MICU1: variants seen among roughly 807,000 people sequenced by gnomAD.
MICU1 encodes calcium uptake protein 1, mitochondrial.
MICU1 carries 45 observed loss-of-function variants against 56.8 expected under a neutral mutation model. The ratio of observed to expected loss-of-function variants is 0.79; its 90% CI spans 0.62 to 1.02. The LOEUF is 1.02. Ranked by LOEUF, MICU1 falls within the 50% of genes least tolerant of loss-of-function variation. The pLI is 0.00. For missense variants in MICU1, 504 were observed against 587.1 expected, an observed-to-expected ratio of 0.86 and a Z score of 1.46; for synonymous variants, 186 against 195.1, an observed-to-expected ratio of 0.95 and a Z score of 0.39.
chr10:72,565,326 C>T (rs1055340884), intron 2 of MICU1, among the ~76,000 whole-genome samples: 2 of 151,948 alleles, frequency 1.3e-5, no homozygotes, highest in Non-Finnish European at 2.9e-5. Flanking sequence ...ATGATGAGTT[C>T]GTGTCTTTTG....
intron 1 of MICU1, among the ~76,000 whole-genome samples, chr10:72,613,051 T>C (rs1420309898): frequency 6.6e-6 from 1 of 152,024 alleles, no homozygotes; most frequent in African/African-American, 2.4e-5. Context: ...AAAATTAACA[T>C]CAAACCTTTA....
At chr10:72,552,592 G>C (rs1265358844) in intron 3 of MICU1, among the ~76,000 whole-genome samples, 1 of 151,892 alleles carries the variant, frequency 6.6e-6, no homozygotes, top group Admixed American at 6.6e-5. Context: ...TTTTGTTCTT[G>C]TTGCCCAGGC....
At chr10:72,504,208 G>A (rs926079316) in intron 6 of MICU1, among the ~76,000 whole-genome samples, 2 of 151,976 alleles carry the variant, frequency 1.3e-5, no homozygotes, top group African/African-American at 4.8e-5. Flanking sequence ...GAAACCCAGA[G>A]GTATCACATT....
chr10:72,382,005 C>T (rs1022924959), intron 10 of MICU1, among the ~76,000 whole-genome samples: 9 of 143,020 alleles, frequency 6.3e-5, no homozygotes, highest in Non-Finnish European at 1.1e-4. Context: ...CACACACACA[C>T]ATTAAGATGG....
At chr10:72,561,401 A>C (rs983441500) in intron 3 of MICU1, among the ~76,000 whole-genome samples, 1 of 152,274 alleles carries the variant, frequency 6.6e-6, no homozygotes, top group Non-Finnish European at 1.5e-5. Context: ...GCAAAACAAT[A>C]AATAAATGTA....
At chr10:72,456,946 G>GGT (rs71018292) in intron 8 of MICU1, among the ~76,000 whole-genome samples, 7,769 of 117,624 alleles carry the variant, frequency 0.066, 297 homozygotes, top group East Asian at 0.19. Flanking sequence ...ATATTGCCCA[G>GGT]GTGTGTGTGT....
intron 1 of MICU1, among the ~76,000 whole-genome samples, chr10:72,569,044 G>A (rs996709172): frequency 1.9e-4 from 29 of 149,240 alleles, no homozygotes; most frequent in African/African-American, 5.9e-4. Context: ...ATGAGCCACC[G>A]CGCCTGGCTG....
At chr10:72,574,351 G>A (rs180878424) in intron 1 of MICU1, among the ~76,000 whole-genome samples, 5 of 152,172 alleles carry the variant, frequency 3.3e-5, no homozygotes, top group African/African-American at 4.8e-5. Context: ...CCAACATGGT[G>A]AAATCCCATC....
chr10:72,464,099 C>A (rs1865716202), intron 8 of MICU1, among the ~76,000 whole-genome samples: 1 of 151,982 alleles, frequency 6.6e-6, no homozygotes, highest in African/African-American at 2.4e-5. Flanking sequence ...AGTTCAAGAC[C>A]AGCCTGGCCA....
intron 8 of MICU1, among the ~76,000 whole-genome samples, chr10:72,458,704 GTTTT>G (rs58623292): frequency 9.2e-4 from 132 of 142,898 alleles, no homozygotes; most frequent in Non-Finnish European, 1.4e-3. Flanking sequence ...TGCGGTTCCT[GTTTT>G]TTTTTTTTTT....
intron 1 of MICU1, among the ~76,000 whole-genome samples, chr10:72,611,474 A>G (rs1841847504): frequency 6.6e-6 from 1 of 151,970 alleles, no homozygotes; most frequent in Non-Finnish European, 1.5e-5. Flanking sequence ...TACAAAAATT[A>G]GCTGGGTGTG....
intron 10 of MICU1, among the ~76,000 whole-genome samples, chr10:72,401,277 G>A (rs1415904253): frequency 6.6e-6 from 1 of 152,176 alleles, no homozygotes; most frequent in Non-Finnish European, 1.5e-5. Flanking sequence ...AATACAAACT[G>A]TATATATTTA....
intron 4 of MICU1, among the ~76,000 whole-genome samples, chr10:72,546,036 T>A (rs1162481835): frequency 6.6e-6 from 1 of 152,178 alleles, no homozygotes; most frequent in Non-Finnish European, 1.5e-5. Context: ...CTTCCCAACA[T>A]GGCCTGAACC....
chr10:72,368,076 G>A lies in MICU1; in HGVS notation c.*119C>T, dbSNP rs982029515. The A allele has an allele frequency of 4.6e-6, 5 of 1,095,134 alleles. No individual in the cohort carries two copies. The Admixed American group carries it at 1.0e-4, about 22-fold the overall frequency. 67.8% of individuals were successfully genotyped at this position (1,095,134 alleles called of 1,614,324 possible). A position where few individuals can be genotyped will look rare whatever the true frequency, so the allele number is the denominator to read the frequency against. ...GAGGGGAAACCGACAGAGTCCTGAG[G>A]TCATCCCGGGAGGAAGGGGGACTAC... On this transcript the variant is annotated 3_prime_UTR_variant, in exon 12 of 12. Transcript: ENST00000361114.
At chr10:72,467,517 G>A (rs1439117969) in intron 8 of MICU1, among the ~76,000 whole-genome samples, 9 of 151,806 alleles carry the variant, frequency 5.9e-5, no homozygotes, top group Admixed American at 4.6e-4. Context: ...ACGGGGATTC[G>A]CCATGTTGGC....
At chr10:72,551,374 T>C in intron 3 of MICU1, 33 bp from the exon 4 acceptor site, 1 of 1,527,770 alleles carries the variant, frequency 6.5e-7, no homozygotes, top group Non-Finnish European at 8.9e-7. Flanking sequence ...TGTTACTATA[T>C]TAAGCAATGC....
intron 3 of MICU1, among the ~76,000 whole-genome samples, chr10:72,557,737 A>AAT (rs1459155128): frequency 2.0e-5 from 3 of 152,108 alleles, no homozygotes; most frequent in East Asian, 1.9e-4. Flanking sequence ...CACTCACACA[A>AAT]ATATATATAT....
intron 1 of MICU1, among the ~76,000 whole-genome samples, chr10:72,600,401 C>G (rs567558502): frequency 6.6e-6 from 1 of 151,802 alleles, no homozygotes; most frequent in Admixed American, 6.6e-5. Context: ...GTAATCCCAG[C>G]ACTTTGGGAG....
At chr10:72,523,001 T>A (rs1867867270) in intron 5 of MICU1, among the ~76,000 whole-genome samples, 2 of 152,186 alleles carry the variant, frequency 1.3e-5, no homozygotes, top group South Asian at 4.1e-4. Context: ...GGACACTACC[T>A]TAAACAGTGA....
Sources: gnomAD v4.1 joint callset for allele counts (sites outside exome capture counted in the v4.1 genomes callset) on GRCh38, gnomAD v4.1.1 for gene constraint, MANE v1.5 for transcripts, NCBI Gene and HGNC (gene_info 2026-07-23, HGNC 2026-07-21) for gene names.